The following JAKMIP1 variants were observed in gnomAD, a reference collection of about 807,000 sequenced individuals.
JAKMIP1 encodes janus kinase and microtubule interacting protein 1, also known as janus kinase and microtubule-interacting protein 1.
Under a neutral mutation model 113.0 loss-of-function variants are expected in JAKMIP1, and 33 were observed. The ratio of observed to expected loss-of-function variants is 0.29; its 90% CI spans 0.22 to 0.39. The LOEUF is 0.39. Among genes scored for constraint, JAKMIP1 ranks in the 10% least tolerant of loss-of-function variants. The pLI is 1.00. For missense variants in JAKMIP1, 813 were observed against 1,080.5 expected (o/e 0.75, Z 3.47); for synonymous variants, 480 against 459.9 (o/e 1.04, Z -0.56).
intron 1 of JAKMIP1, among the ~76,000 whole-genome samples, chr4:6,195,166 G>C (rs924579245): frequency 6.6e-6 from 1 of 152,230 alleles, no homozygotes; most frequent in Non-Finnish European, 1.5e-5. Context: ...AAATGGCAGA[G>C]CCGGTGCTCA....
intron 1 of JAKMIP1, among the ~76,000 whole-genome samples, chr4:6,177,680 C>T (rs1421556301): frequency 2.0e-5 from 3 of 152,158 alleles, no homozygotes; most frequent in Non-Finnish European, 4.4e-5. Context: ...GCAGCCCCTC[C>T]CACAGACGGA....
At chr4:6,054,642 GCAGGAGTTCTCTGA>G (rs749943552) in intron 12 of JAKMIP1, 1 of 426,190 alleles carries the variant, frequency 2.3e-6, no homozygotes, top group Non-Finnish European at 4.7e-6. Context: ...AGCCGTAAAG[GCAGGAGTTCTCTGA>G]GAGCGCAGAT....
intron 1 of JAKMIP1, among the ~76,000 whole-genome samples, chr4:6,191,472 C>T (rs1438170299): frequency 1.3e-5 from 2 of 152,254 alleles, no homozygotes; most frequent in African/African-American, 4.8e-5. Context: ...CCCTTGTCCT[C>T]ATGGGGACCC....
Position 6,036,066 on chromosome 4 carries a change from C to T in JAKMIP1, c.2217G>A (p.Gln739=). Residue 739 remains glutamine (Q), a synonymous_variant, in exon 19 of 21, where the codon CAG becomes CAA. Coordinates refer to ENST00000409021, the MANE Select transcript of JAKMIP1 (RefSeq NM_001099433.2). The part of the protein sequence containing the change: ...DLEATLYTAL[Q]QEPGRRAGEA... ...CACCGGCCCTCCGCCCCGGCTCCTGCTGCAGCGCTGTGTACAGTGTGGCCT... is the reference window on the plus strand; with the variant it reads ...CACCGGCCCTCCGCCCCGGCTCCTGTTGCAGCGCTGTGTACAGTGTGGCCT... The T allele has an allele frequency of 6.4e-7, 1 of 1,558,434 alleles. No homozygotes were observed. Among genetic ancestry groups the T allele is most frequent in the Non-Finnish European group, 8.7e-7 (1 of 1,150,782 alleles).
chr4:6,085,693 A>C lies in JAKMIP1; in HGVS notation c.625-64T>G, dbSNP rs183586228. ...TCATGACCAAGGAAATCTCTCCCCA[A>C]ATTGGGGCCTTCGGCCCAGGGAAAG... On this transcript the variant is annotated intron_variant, in intron 3 of 20. Transcript: ENST00000409021. The C allele has an allele frequency of 7.8e-5, 117 of 1,495,602 alleles. No individual in the cohort carries two copies. The African/African-American group carries it at 1.4e-3, about 18-fold the overall frequency. 92.6% of individuals were successfully genotyped at this position (1,495,602 alleles called of 1,614,324 possible).
In JAKMIP1 at chr4:6,199,470, C is replaced by T. The variant is rs956498863; in HGVS notation, c.-148+783G>A. Among the ~76,000 whole-genome samples, 1 of 152,166 alleles carries T rather than the reference C, an allele frequency of 6.6e-6. No homozygotes were observed. Among genetic ancestry groups the T allele is most frequent in the Non-Finnish European group, 1.5e-5 (1 of 68,008 alleles). On this transcript the variant is annotated intron_variant, in intron 1 of 20. Transcript: ENST00000409021. The surrounding 1 kb of genome is among the most constrained non-coding windows in gnomAD (Gnocchi z 5.6). ...AGCGCACTGACGCAGGCCAGCGAGGCCGCTGGCCCCGACGCAGGGCGCCCG... is the reference window on the plus strand; with the variant it reads ...AGCGCACTGACGCAGGCCAGCGAGGTCGCTGGCCCCGACGCAGGGCGCCCG...
rs773043733 is a variant in JAKMIP1 at position 6,094,466 on chromosome 4, C to T, written c.625-8837G>A. 3.3e-5 allele frequency among the ~76,000 whole-genome samples: 5 copies of T among 152,148 alleles called. No homozygotes were observed. The highest frequency in any genetic ancestry group is 6.5e-5 in the Admixed American group (1 of 15,284). On this transcript the variant is annotated intron_variant, in intron 3 of 20. Coordinates refer to ENST00000409021, the MANE Select transcript of JAKMIP1 (RefSeq NM_001099433.2). This position sits in a 1 kb window ranked among gnomAD's most constrained non-coding sequence, Gnocchi z 4.2. Reference sequence around the variant, plus strand: ...CCAGTGAGAGGGCTTGGCAGACAGGCATGGGAGTAAACAAACCTACCAACC... The same window carrying T: ...CCAGTGAGAGGGCTTGGCAGACAGGTATGGGAGTAAACAAACCTACCAACC...
At chr4:6,085,321 A>AGTG in intron 4 of JAKMIP1, 99 bp downstream of exon 4, 58 of 995,486 alleles carry the variant, frequency 5.8e-5, no homozygotes, top group Middle Eastern at 3.2e-4. Flanking sequence ...TGAATGAGTG[A>AGTG]ATACATGCCA....
chr4:6,072,327 C>T (rs764558837), intron 8 of JAKMIP1, among the ~76,000 whole-genome samples: 4 of 152,176 alleles, frequency 2.6e-5, no homozygotes, highest in Admixed American at 6.5e-5. Flanking sequence ...GTAAAATAAA[C>T]TTCTAAATTG....
chr4:6,092,817 G>A (rs547771847), intron 3 of JAKMIP1, among the ~76,000 whole-genome samples: 5 of 152,276 alleles, frequency 3.3e-5, no homozygotes, highest in African/African-American at 9.6e-5. Flanking sequence ...AGGTGCAGGG[G>A]CCTCGATTCT....
intron 11 of JAKMIP1, among the ~76,000 whole-genome samples, chr4:6,058,198 G>A (rs567826906): frequency 2.0e-5 from 3 of 152,324 alleles, no homozygotes; most frequent in South Asian, 2.1e-4. Flanking sequence ...CTACCCCCCT[G>A]GGGGAGGCTA....
In JAKMIP1 at chr4:6,093,256, C is replaced by T. The variant is rs1222113308; in HGVS notation, c.625-7627G>A. Reference sequence around the variant, plus strand: ...TGGCTTGCATGGTCCTATTACCAAACCGTCCTGCTCACACTAGAATAATCT... The same window carrying T: ...TGGCTTGCATGGTCCTATTACCAAATCGTCCTGCTCACACTAGAATAATCT... On this transcript the variant is annotated intron_variant, in intron 3 of 20. Coordinates refer to ENST00000409021, the MANE Select transcript of JAKMIP1 (RefSeq NM_001099433.2). The surrounding 1 kb of genome is among the most constrained non-coding windows in gnomAD (Gnocchi z 4.6). Among the ~76,000 whole-genome samples the T allele has an allele frequency of 6.6e-6, 1 of 152,186 alleles. No individual in the cohort carries two copies. Among genetic ancestry groups the T allele is most frequent in the Non-Finnish European group, 1.5e-5 (1 of 68,036 alleles).
In JAKMIP1 at chr4:6,042,234, A is replaced by G. The variant is rs1213764578; in HGVS notation, c.2029-7T>C. 6.2e-7 allele frequency: 1 copy of G among 1,612,972 alleles called. No individual in the cohort carries two copies. Among genetic ancestry groups the G allele is most frequent in the East Asian group, 2.2e-5 (1 of 44,884 alleles). On this transcript the variant is annotated splice_region_variant and splice_polypyrimidine_tract_variant and intron_variant, in intron 16 of 20. Transcript: ENST00000409021. The surrounding 1 kb of genome is among the most constrained non-coding windows in gnomAD (Gnocchi z 5.2). ...CCTCTATTTGCTTCAGCCACTAGAAAACAGCAGGGACAGGACGGGTGCAGC... is the reference window on the plus strand; with the variant it reads ...CCTCTATTTGCTTCAGCCACTAGAAGACAGCAGGGACAGGACGGGTGCAGC...
At chr4:6,084,035 T>C (rs950908042) in intron 5 of JAKMIP1, among the ~76,000 whole-genome samples, 1 of 152,210 alleles carries the variant, frequency 6.6e-6, no homozygotes, top group South Asian at 2.1e-4. Flanking sequence ...GAATAACTTC[T>C]AGCCAGATGT....
At chr4:6,131,262 G>T (rs368374164) in intron 1 of JAKMIP1, among the ~76,000 whole-genome samples, 32 of 146,494 alleles carry the variant, frequency 2.2e-4, no homozygotes, top group African/African-American at 7.1e-4. Context: ...AGAAGAAATT[G>T]AAGAAATATT....
intron 1 of JAKMIP1, among the ~76,000 whole-genome samples, chr4:6,127,960 C>T (rs1417295546): frequency 6.6e-6 from 1 of 152,226 alleles, no homozygotes; most frequent in African/African-American, 2.4e-5. Flanking sequence ...CGGGAAGTTC[C>T]CATCCCACCA....
intron 1 of JAKMIP1, among the ~76,000 whole-genome samples, chr4:6,190,303 A>G (rs577245824): frequency 1.3e-5 from 2 of 152,296 alleles, no homozygotes; most frequent in East Asian, 1.9e-4. Flanking sequence ...ACATATCTCT[A>G]TCTAACATAG....
At chr4:6,105,451 C>A in intron 3 of JAKMIP1, 22 bp downstream of exon 3, 1 of 1,562,278 alleles carries the variant, frequency 6.4e-7, no homozygotes, top group South Asian at 1.2e-5. Flanking sequence ...TGCCCGCGGG[C>A]GGGGGAGGGG....
intron 19 of JAKMIP1, among the ~76,000 whole-genome samples, chr4:6,032,547 A>T (rs1712853166): frequency 6.6e-6 from 1 of 152,180 alleles, no homozygotes; most frequent in Non-Finnish European, 1.5e-5. Flanking sequence ...GTTTCATTCA[A>T]CCAATGTCCA....
Sources: allele counts gnomAD v4.1 joint callset (sites outside exome capture counted in the v4.1 genomes callset), GRCh38; gene constraint gnomAD v4.1.1; non-coding constraint Gnocchi (gnomAD v3.1); transcripts MANE v1.5; gene names NCBI Gene and HGNC (gene_info 2026-07-23, HGNC 2026-07-21).